Variants in NPAS3 observed in about 807,000 individuals in gnomAD.
NPAS3 encodes neuronal PAS domain-containing protein 3.
Under a neutral mutation model 73.1 loss-of-function variants are expected in NPAS3, and 14 were observed. That is an observed-to-expected ratio of 0.19 (90% CI 0.13 to 0.30). The LOEUF is 0.30. Among genes scored for constraint, NPAS3 ranks in the 10% least tolerant of loss-of-function variants. NPAS3 has a pLI of 1.00. For missense variants in NPAS3, 1,096 were observed against 1,250.0 expected (o/e 0.88, Z 1.86); for synonymous variants, 620 against 541.5 (o/e 1.14, Z -2.01).
intron 5 of NPAS3, among the ~76,000 whole-genome samples, chr14:33,618,988 T>C (rs374939689): frequency 6.6e-6 from 1 of 152,312 alleles, no homozygotes; most frequent in East Asian, 1.9e-4. Context: ...TCTGCTGGAT[T>C]TCTTGTTCTT....
Position 33,403,303 on chromosome 14 carries a change from A to T in NPAS3, c.468+36035A>T, listed in dbSNP as rs372732531. Among the ~76,000 whole-genome samples, 26 of 152,248 alleles carry T rather than the reference A, an allele frequency of 1.7e-4. No individual in the cohort carries two copies. In the South Asian group the frequency reaches 4.3e-3, roughly 25 times the overall value. On this transcript the variant is annotated intron_variant, in intron 4 of 11. Coordinates refer to ENST00000356141, the Ensembl canonical transcript of NPAS3. ...AGGTAAATAGGCATTAAAAAAAAGC[A>T]TAAGAAATGTGGATCTCATTCTCTG... is the stretch of plus-strand genomic sequence containing the variant.
chr14:33,542,018 C>A (rs2054543995), intron 4 of NPAS3, among the ~76,000 whole-genome samples: 1 of 152,152 alleles, frequency 6.6e-6, no homozygotes, highest in Non-Finnish European at 1.5e-5. Context: ...ACCTATTTGA[C>A]TCTCACCCTG....
At chr14:33,245,124 T>G (rs548257665) in intron 3 of NPAS3, among the ~76,000 whole-genome samples, 1 of 152,286 alleles carries the variant, frequency 6.6e-6, no homozygotes, top group East Asian at 1.9e-4. Flanking sequence ...GGGCTATAGA[T>G]GATACATTTT....
chr14:33,002,347 T>C (rs2038837934), intron 1 of NPAS3, among the ~76,000 whole-genome samples: 4 of 152,112 alleles, frequency 2.6e-5, no homozygotes, highest in Admixed American at 2.6e-4. Context: ...CACTTAGGTG[T>C]AGAGATTTGG....
rs540030863 is a variant in NPAS3, at chr14:33,716,634, C to T, written c.734-18580C>T. Among the ~76,000 whole-genome samples, 12 of 152,234 alleles carry T rather than the reference C, an allele frequency of 7.9e-5. No individual in the cohort carries two copies. In the East Asian group the frequency reaches 2.3e-3, roughly 29 times the overall value. On this transcript the variant is annotated intron_variant, in intron 6 of 11. Coordinates refer to ENST00000356141, the Ensembl canonical transcript of NPAS3. ...TTAAACAGTAACTTCCCATTTTTCC[C>T]GCTGGAAATCCTTGGTAATCTTTAT... is the stretch of plus-strand genomic sequence containing the variant.
chr14:33,741,669 G>A (rs2061658654), intron 7 of NPAS3, among the ~76,000 whole-genome samples: 1 of 152,134 alleles, frequency 6.6e-6, no homozygotes, highest in Non-Finnish European at 1.5e-5. Flanking sequence ...TGTCATTTCT[G>A]CTGGGACTAA....
At chr14:33,691,400 A>C (rs975791120) in intron 6 of NPAS3, among the ~76,000 whole-genome samples, 4 of 152,256 alleles carry the variant, frequency 2.6e-5, no homozygotes, top group Admixed American at 1.3e-4. Flanking sequence ...TAAATACATT[A>C]AAATTTTATG....
chr14:33,135,530 T>G (rs2043799203), intron 2 of NPAS3, among the ~76,000 whole-genome samples: 1 of 152,214 alleles, frequency 6.6e-6, no homozygotes, highest in South Asian at 2.1e-4. Flanking sequence ...TGCATATTTC[T>G]TTGTCATAAG....
chr14:33,681,156 A>G (rs184975950), intron 6 of NPAS3: 2 of 152,520 alleles, frequency 1.3e-5, no homozygotes, highest in East Asian at 1.9e-4. Context: ...TAGACTAACA[A>G]ATGTCTAGGA....
intron 1 of NPAS3, among the ~76,000 whole-genome samples, chr14:33,054,672 G>A (rs2040822575): frequency 6.6e-6 from 1 of 150,606 alleles, no homozygotes; most frequent in African/African-American, 2.5e-5. Flanking sequence ...GAGTGCAGTG[G>A]CAGGATCTCA....
intron 3 of NPAS3, among the ~76,000 whole-genome samples, chr14:33,273,855 C>G (rs1424465172): frequency 6.6e-6 from 1 of 152,046 alleles, no homozygotes; most frequent in African/African-American, 2.4e-5. Flanking sequence ...AATGAATGTC[C>G]AACAAAAAAA....
At chr14:33,794,148 C>T in intron 10 of NPAS3, 104 bp downstream of exon 10, 1 of 1,014,858 alleles carries the variant, frequency 9.9e-7, no homozygotes, top group Non-Finnish European at 1.5e-6. Context: ...TATCTTTTGA[C>T]AGTACCTGGT....
At chr14:33,647,960 T>A (rs1727921356) in intron 5 of NPAS3, among the ~76,000 whole-genome samples, 1 of 152,196 alleles carries the variant, frequency 6.6e-6, no homozygotes, top group East Asian at 1.9e-4. Context: ...CCCATCTTCA[T>A]AACAAAGATG....
At chr14:33,658,012 T>G (rs972500189) in intron 5 of NPAS3, among the ~76,000 whole-genome samples, 8 of 152,226 alleles carry the variant, frequency 5.3e-5, no homozygotes, top group African/African-American at 1.9e-4. Flanking sequence ...CACACTCCTT[T>G]CCCGCCTCTC....
intron 3 of NPAS3, among the ~76,000 whole-genome samples, chr14:33,269,269 C>T (rs916104008): frequency 1.3e-5 from 2 of 152,116 alleles, no homozygotes; most frequent in East Asian, 1.9e-4. Context: ...AAAGTTTAAT[C>T]CACACAACAC....
chr14:33,680,516 A>AAAAT, intron 6 of NPAS3: 1 of 681,264 alleles, frequency 1.5e-6, no homozygotes, highest in Non-Finnish European at 2.6e-6. Context: ...ATTTCTTTCT[A>AAAAT]AAATAAGATT....
intron 4 of NPAS3, among the ~76,000 whole-genome samples, chr14:33,445,350 C>A (rs761504211): frequency 6.6e-6 from 1 of 152,096 alleles, no homozygotes; most frequent in Non-Finnish European, 1.5e-5. Context: ...GTTATCATTC[C>A]GTCTTTGTGA....
At chr14:33,784,748 T>TATTTATTTATTTTTA (rs58424536) in intron 9 of NPAS3, among the ~76,000 whole-genome samples, 6 of 107,230 alleles carry the variant, frequency 5.6e-5, no homozygotes, top group Non-Finnish European at 7.1e-5. Context: ...TTTATTTATT[T>TATTTATTTATTTTTA]TTTTTTTTTT....
At chr14:33,565,402 AAAG>A (rs1406213322) in intron 5 of NPAS3, among the ~76,000 whole-genome samples, 6 of 152,266 alleles carry the variant, frequency 3.9e-5, no homozygotes, top group Non-Finnish European at 8.8e-5. Context: ...TTTGAATAAT[AAAG>A]AAGAATTAGA....
Sources: allele counts gnomAD v4.1 joint callset (sites outside exome capture counted in the v4.1 genomes callset), GRCh38; gene constraint gnomAD v4.1.1; transcripts MANE v1.5; gene names NCBI Gene and HGNC (gene_info 2026-07-23, HGNC 2026-07-21).